The following CPEB2 variants were observed in gnomAD, a reference collection of about 807,000 sequenced individuals.
CPEB2 encodes the protein cytoplasmic polyadenylation element binding protein 2, also known as cytoplasmic polyadenylation element-binding protein 2.
In CPEB2, 56 loss-of-function variants were observed where a neutral mutation model predicts 93.6. That is an observed-to-expected ratio of 0.60 (90% confidence interval 0.48 to 0.75). The LOEUF (loss-of-function observed/expected upper bound fraction) is 0.75. Ranked by LOEUF, CPEB2 falls within the 30% of genes least tolerant of loss-of-function variation. CPEB2 has a pLI of 0.00. For synonymous variants in CPEB2, 764 were observed against 586.3 expected (o/e 1.30, Z -4.38); for missense variants, 1,579 against 1,395.1 (o/e 1.13, Z -2.10).
chr4:15,038,248 A>G (rs1274594814), intron 5 of CPEB2, among the ~76,000 whole-genome samples: 2 of 152,248 alleles, frequency 1.3e-5, no homozygotes, highest in Non-Finnish European at 2.9e-5. Flanking sequence ...TATGAAATTT[A>G]TACATATTTT....
At chr4:15,015,582 C>T (rs1452248367) in intron 3 of CPEB2, among the ~76,000 whole-genome samples, 6 of 152,000 alleles carry the variant, frequency 3.9e-5, no homozygotes, top group Non-Finnish European at 5.9e-5. Flanking sequence ...TGAACATATT[C>T]TTAGAAAAGC....
At chr4:15,050,126 A>G (rs1289125589) in intron 6 of CPEB2, among the ~76,000 whole-genome samples, 1 of 152,190 alleles carries the variant, frequency 6.6e-6, no homozygotes, top group African/African-American at 2.4e-5. Context: ...TCTGTTAGGA[A>G]CCAGGCCACA....
intron 4 of CPEB2, among the ~76,000 whole-genome samples, chr4:15,026,419 G>C (rs62409270): frequency 0.27 from 41,349 of 151,850 alleles, 6,486 homozygotes; most frequent in Middle Eastern, 0.51. Context: ...GTAGAGATGG[G>C]GTTTCACCAT....
At chr4:15,058,637 A>C (rs1728925004) in intron 9 of CPEB2, 98 bp downstream of exon 9, 1 of 729,172 alleles carries the variant, frequency 1.4e-6, no homozygotes, top group Non-Finnish European at 2.4e-6. Flanking sequence ...TTAAACTACC[A>C]TGTTGAGTTT....
chr4:15,003,855 C>A lies in CPEB2; in HGVS notation c.1182C>A (p.Pro394=). 1.2e-6 allele frequency: 1 copy of A among 854,548 alleles called. No individual in the cohort carries two copies. The highest frequency in any genetic ancestry group is 1.5e-6 in the Non-Finnish European group (1 of 646,788). 52.9% of individuals were successfully genotyped at this position (854,548 alleles called of 1,614,324 possible). Residue 394 remains proline (P), a synonymous_variant, in exon 1 of 12, where the codon CCC becomes CCA. Transcript: ENST00000538197. ...AGACCGCGTCGCCGCCACCCCAGCCCCAGCAGCCGCCGCCGACCCAGCCGC... is the reference window on the plus strand; with the variant it reads ...AGACCGCGTCGCCGCCACCCCAGCCACAGCAGCCGCCGCCGACCCAGCCGC... ...SVQTASPPPQ[P]QQPPPTQPQQ...
Position 15,002,762 on chromosome 4 carries a change from C to T in CPEB2, c.89C>T (p.Pro30Leu), listed in dbSNP as rs1415514137. The change falls in exon 1 of 12, where the codon CCT becomes CTT. Residue 30 changes from proline (P) to leucine (L), a missense_variant. Around this residue, in one of 2 missense-constraint regions of CPEB2, gnomAD observed 1,411 missense variants for 1,056.0 expected, o/e 1.34. Coordinates refer to ENST00000538197, the MANE Select transcript of CPEB2 (RefSeq NM_001177382.2). ...CTGTTCTGCGGCGAGGCGTATGGTC[C>T]TTACGCCGTGGGGTCCGTCAACCCG... ...GPLFCGEAYG[P>L]YAVGSVNPLP... The T allele has an allele frequency of 7.2e-6, 11 of 1,535,624 alleles. No homozygotes were observed. Among genetic ancestry groups the T allele is most frequent in the Non-Finnish European group, 9.6e-6 (11 of 1,146,698 alleles).
rs1030263246 is a variant in CPEB2, at chr4:15,004,327, C to A, written c.1654C>A (p.His552Asn). 1 of 1,473,082 alleles carries A rather than the reference C, an allele frequency of 6.8e-7. No homozygotes were observed. 91.3% of individuals were successfully genotyped at this position (1,473,082 alleles called of 1,614,324 possible). The change falls in exon 1 of 12, where the codon CAC (histidine) becomes AAC (asparagine). Residue 552 changes from histidine (H) to asparagine (N), a missense_variant. His to Asn is a moderately conservative substitution (Grantham distance 68, BLOSUM62 1). This residue lies in a region of CPEB2 where 1,411 missense variants were observed against 1,056.0 expected (regional missense o/e 1.34). Coordinates refer to ENST00000538197, the MANE Select transcript of CPEB2 (RefSeq NM_001177382.2). ...AFLQQRNSYNHHQPLLKQSPW... is the reference protein window; with the variant it reads ...AFLQQRNSYNNHQPLLKQSPW... Reference sequence around the variant, plus strand: ...CCTGCAGCAGAGGAACTCCTATAACCACCACCAGGTACGGCGGGCGGCGGC... The same window carrying A: ...CCTGCAGCAGAGGAACTCCTATAACAACCACCAGGTACGGCGGGCGGCGGC...
In CPEB2 at chr4:15,006,438, A is replaced by G. The variant is rs966454017; in HGVS notation, c.1663-867A>G. On this transcript the variant is annotated intron_variant, in intron 1 of 11. Coordinates refer to ENST00000538197, the MANE Select transcript of CPEB2 (RefSeq NM_001177382.2). ...ACTTCTTAAAAAAAAAAAAAACCCA[A>G]AACTACAATTATTAGCGTTTTGATG... is the stretch of plus-strand genomic sequence containing the variant. 8 of 151,974 alleles carry G rather than the reference A, an allele frequency of 5.3e-5. No individual in the cohort carries two copies. The East Asian group carries it at 9.7e-4, about 18-fold the overall frequency. The allele number at this position is 151,974 out of a possible 1,614,324, so 9.4% of individuals were successfully genotyped here.
Position 15,002,717 on chromosome 4 carries a change from G to C in CPEB2, c.44G>C (p.Arg15Pro). The C allele has an allele frequency of 6.5e-7, 1 of 1,527,666 alleles. No homozygotes were observed. The highest frequency in any genetic ancestry group is 8.7e-7 in the Non-Finnish European group (1 of 1,143,216). The allele number at this position is 1,527,666 out of a possible 1,614,324, so 94.6% of individuals were successfully genotyped here. Residue 15 changes from arginine to proline, a missense_variant, in exon 1 of 12, where the codon CGA becomes CCA. Around this residue, in one of 2 missense-constraint regions of CPEB2, gnomAD observed 1,411 missense variants for 1,056.0 expected, o/e 1.34. Transcript: ENST00000538197. ...GFGVLQTAPL[R>P]SSSPGPLFCG... ...GGGGTGCTGCAGACCGCCCCGCTCC[G>C]AAGTAGCAGTCCTGGGCCCCTGTTC... is the stretch of plus-strand genomic sequence containing the variant.
At chr4:15,060,779 A>C (rs539906591) in intron 10 of CPEB2, among the ~76,000 whole-genome samples, 1 of 152,128 alleles carries the variant, frequency 6.6e-6, no homozygotes, top group African/African-American at 2.4e-5. Context: ...CACTCTTTAT[A>C]CTGTTTTAAA....
Position 15,070,140 on chromosome 4 carries a change from A to AAGTT in CPEB2, c.*3762_*3765dup, listed in dbSNP as rs1363612835. 6.6e-6 allele frequency: 1 copy of AAGTT among 152,230 alleles called. No individual in the cohort carries two copies. The highest frequency in any genetic ancestry group is 6.6e-5 in the Admixed American group (1 of 15,212). The allele number at this position is 152,230 out of a possible 1,614,324, so 9.4% of individuals were successfully genotyped here. A position where few individuals can be genotyped will look rare whatever the true frequency, so the allele number is the denominator to read the frequency against. Reference sequence around the variant, plus strand: ...ATTGTTGACTGACTAATAAACTATTAAGTTATTGGCATAGTTGTGGAATCT... The same window carrying AAGTT: ...ATTGTTGACTGACTAATAAACTATTAAGTTAGTTATTGGCATAGTTGTGGAATCT... On this transcript the variant is annotated 3_prime_UTR_variant, in exon 12 of 12. Coordinates refer to ENST00000538197, the MANE Select transcript of CPEB2 (RefSeq NM_001177382.2).
intron 4 of CPEB2, among the ~76,000 whole-genome samples, chr4:15,022,761 CT>C (rs1314177186): frequency 6.6e-6 from 1 of 151,994 alleles, no homozygotes; most frequent in Non-Finnish European, 1.5e-5. Context: ...ATACTTGACC[CT>C]TCCACTACTA....
intron 3 of CPEB2, 37 bp downstream of exon 3, chr4:15,008,464 T>G: frequency 3.3e-5 from 46 of 1,379,522 alleles, no homozygotes; most frequent in African/African-American, 4.3e-5. Flanking sequence ...GGATTTCGGT[T>G]AGGAGTTTAG....
chr4:15,034,737 T>C (rs1487697472), intron 5 of CPEB2, among the ~76,000 whole-genome samples: 1 of 152,152 alleles, frequency 6.6e-6, no homozygotes, highest in Non-Finnish European at 1.5e-5. Context: ...AGCAAAATAA[T>C]TGGGAATATT....
intron 4 of CPEB2, among the ~76,000 whole-genome samples, chr4:15,025,979 G>A (rs1725409804): frequency 1.3e-5 from 2 of 152,006 alleles, no homozygotes; most frequent in Admixed American, 1.3e-4. Flanking sequence ...TTTTCTTTGA[G>A]ACACCTCTTT....
intron 4 of CPEB2, among the ~76,000 whole-genome samples, chr4:15,031,226 A>T (rs1166881928): frequency 6.6e-6 from 1 of 151,742 alleles, no homozygotes; most frequent in African/African-American, 2.4e-5. Context: ...AGATTTAATT[A>T]ACTTATTATG....
chr4:15,041,799 T>C (rs2109052446), intron 6 of CPEB2, among the ~76,000 whole-genome samples: 1 of 152,344 alleles, frequency 6.6e-6, no homozygotes, highest in African/African-American at 2.4e-5. Flanking sequence ...CAACCAAAAC[T>C]AGTATTTTAT....
At chr4:15,032,298 A>C (rs1436241724) in intron 4 of CPEB2, among the ~76,000 whole-genome samples, 1 of 152,144 alleles carries the variant, frequency 6.6e-6, no homozygotes, top group Admixed American at 6.5e-5. Context: ...CTAATAGTCT[A>C]TTAGAGATTT....
chr4:15,035,626 A>G (rs1330608526), intron 5 of CPEB2, among the ~76,000 whole-genome samples: 2 of 152,234 alleles, frequency 1.3e-5, no homozygotes, highest in Non-Finnish European at 2.9e-5. Context: ...GAAGTATATT[A>G]TAAGTAGCCA....
Sources: gnomAD v4.1 joint callset for allele counts (sites outside exome capture counted in the v4.1 genomes callset) on GRCh38, gnomAD v4.1.1 for gene constraint, gnomAD v4.1.1 regional missense constraint, MANE v1.5 for transcripts, NCBI Gene and HGNC (gene_info 2026-07-23, HGNC 2026-07-21) for gene names.